Variants in DNAH3 observed in about 807,000 individuals in gnomAD.
DNAH3 encodes the protein dynein axonemal heavy chain 3, also known as axonemal beta dynein heavy chain 3.
In DNAH3, 332 loss-of-function variants were observed where a neutral mutation model predicts 432.5. The ratio of observed to expected loss-of-function variants is 0.77; its 90% confidence interval spans 0.70 to 0.84. The LOEUF is 0.84. DNAH3 is among the 40% of genes least tolerant of loss of function. DNAH3 has a pLI of 0.00. For synonymous variants in DNAH3, 1,956 were observed against 1,900.2 expected (o/e 1.03, Z -0.76); for missense variants, 4,861 against 5,114.0 (o/e 0.95, Z 1.51).
In DNAH3 at chr16:20,942,022, G is replaced by A. The variant is rs145588899; in HGVS notation, c.11512-479C>T. 4.5e-3 allele frequency among the ~76,000 whole-genome samples: 684 copies of A among 151,556 alleles called. 8 individuals carry two copies. Among genetic ancestry groups the A allele is most frequent in the East Asian group, 0.036 (184 of 5,126 alleles). Reference sequence around the variant, plus strand: ...GGATGTTGCAGTGAGCTGAGATCTGGCCGCTGCACTCCAGCCTGGGTGACA... The same window carrying A: ...GGATGTTGCAGTGAGCTGAGATCTGACCGCTGCACTCCAGCCTGGGTGACA... On this transcript the variant is annotated intron_variant, in intron 58 of 61. Coordinates refer to ENST00000261383, the Ensembl canonical transcript of DNAH3.
intron 6 of DNAH3, 23 bp from the exon 8 acceptor site, chr16:21,134,477 C>T: frequency 6.2e-7 from 1 of 1,605,548 alleles, no homozygotes; most frequent in Non-Finnish European, 8.5e-7. Context: ...AGGGCGAACA[C>T]CTCATTATTA....
intron 10 of DNAH3, chr16:21,120,877 A>G (rs892577900): frequency 7.1e-6 from 11 of 1,558,838 alleles, no homozygotes; most frequent in East Asian, 4.5e-5. Flanking sequence ...ATAGTCATCC[A>G]AATTACAGGG....
chr16:20,999,643 T>G (rs1338515373), intron 43 of DNAH3, among the ~76,000 whole-genome samples: 1 of 152,154 alleles, frequency 6.6e-6, no homozygotes, highest in Non-Finnish European at 1.5e-5. Context: ...AACAGGAAAT[T>G]TAACCTTCTG....
At chr16:20,985,086 A>T in exon 48 of DNAH3, 2 of 1,611,764 alleles carry the variant, frequency 1.2e-6, no homozygotes, top group Non-Finnish European at 1.7e-6. Context: ...CCCTCTCAAT[A>T]AAGAAGTTAT....
chr16:21,089,285 C>A (rs2091465551), intron 18 of DNAH3, among the ~76,000 whole-genome samples: 1 of 152,182 alleles, frequency 6.6e-6, no homozygotes, highest in Admixed American at 6.5e-5. Context: ...AATCCCATTG[C>A]AGAACTTGCT....
chr16:21,101,061 T>C (rs150470061), intron 16 of DNAH3, among the ~76,000 whole-genome samples: 150 of 152,298 alleles, frequency 9.8e-4, no homozygotes, highest in Admixed American at 1.2e-3. Context: ...TATAAACCTA[T>C]TGCAATTTGA....
chr16:21,017,115 A>C (rs2087899689), intron 41 of DNAH3, among the ~76,000 whole-genome samples: 1 of 152,192 alleles, frequency 6.6e-6, no homozygotes, highest in Non-Finnish European at 1.5e-5. Flanking sequence ...AATGTACTTA[A>C]CACCACTGAT....
intron 20 of DNAH3, among the ~76,000 whole-genome samples, chr16:21,075,914 CAAAA>C (rs34186982): frequency 1.1e-4 from 6 of 52,684 alleles, no homozygotes; most frequent in Admixed American, 8.2e-4. Flanking sequence ...AACCCTGTCT[CAAAA>C]AAAAAAAAAA....
intron 39 of DNAH3, among the ~76,000 whole-genome samples, chr16:21,023,199 G>T (rs1406033300): frequency 6.6e-6 from 1 of 152,002 alleles, no homozygotes; most frequent in Non-Finnish European, 1.5e-5. Context: ...AAAAATACAG[G>T]TATACATGGA....
At chr16:21,115,490 T>A (rs1369396290) in intron 12 of DNAH3, among the ~76,000 whole-genome samples, 2 of 151,166 alleles carry the variant, frequency 1.3e-5, no homozygotes, top group African/African-American at 4.9e-5. Flanking sequence ...GTGGATCACC[T>A]AAGGTCAGGA....
At chr16:21,146,573 C>T (rs768220342) in intron 1 of DNAH3, among the ~76,000 whole-genome samples, 39 of 152,054 alleles carry the variant, frequency 2.6e-4, no homozygotes, top group Admixed American at 6.6e-4. Flanking sequence ...TTATCATATG[C>T]GTTACCTTGC....
intron 15 of DNAH3, 134 bp downstream of exon 15, chr16:21,106,356 A>AT: frequency 1.3e-6 from 1 of 767,160 alleles, no homozygotes; most frequent in Non-Finnish European, 1.8e-6. Flanking sequence ...TAGAATTCAT[A>AT]TAACTATCCT....
At chr16:21,017,071 A>G (rs1347321338) in intron 41 of DNAH3, among the ~76,000 whole-genome samples, 1 of 152,122 alleles carries the variant, frequency 6.6e-6, no homozygotes, top group African/African-American at 2.4e-5. Flanking sequence ...AACGTCCTGG[A>G]GATGGAGGGA....
At chr16:20,998,780 G>T (rs1317580223) in intron 43 of DNAH3, among the ~76,000 whole-genome samples, 4 of 146,186 alleles carry the variant, frequency 2.7e-5, no homozygotes, top group African/African-American at 7.5e-5. Flanking sequence ...GGCTCCTTTA[G>T]TTTTTCTTCA....
At chr16:20,949,368 CAA>C (rs71149201) in intron 56 of DNAH3, among the ~76,000 whole-genome samples, 1 of 143,524 alleles carries the variant, frequency 7.0e-6, no homozygotes, top group African/African-American at 2.6e-5. Context: ...AAAACAGAAA[CAA>C]AAAAAAAGAC....
chr16:20,947,932 C>T (rs2152573159), intron 57 of DNAH3, among the ~76,000 whole-genome samples: 1 of 152,214 alleles, frequency 6.6e-6, no homozygotes, highest in Middle Eastern at 3.4e-3. Flanking sequence ...GGCGCCACCA[C>T]ACCTGGTTAA....
At chr16:21,004,891 G>A (rs1456229553) in intron 41 of DNAH3, among the ~76,000 whole-genome samples, 1 of 152,014 alleles carries the variant, frequency 6.6e-6, no homozygotes, top group Non-Finnish European at 1.5e-5. Context: ...CTTCCTTCCA[G>A]CTCCCCTTCT....
At chr16:21,151,161 G>T (rs889060330) in intron 1 of DNAH3, among the ~76,000 whole-genome samples, 1 of 152,126 alleles carries the variant, frequency 6.6e-6, no homozygotes, top group African/African-American at 2.4e-5. Context: ...TGTGTGGCTT[G>T]GCAAGTTGTT....
chr16:21,042,755 T>C (rs2089504748), intron 31 of DNAH3, among the ~76,000 whole-genome samples: 1 of 152,206 alleles, frequency 6.6e-6, no homozygotes, highest in Non-Finnish European at 1.5e-5. Flanking sequence ...TGTGCCATGC[T>C]GGTGCGCTGC....
Sources: gnomAD v4.1 joint callset for allele counts (sites outside exome capture counted in the v4.1 genomes callset) on GRCh38, gnomAD v4.1.1 for gene constraint, MANE v1.5 for transcripts, NCBI Gene and HGNC (gene_info 2026-07-23, HGNC 2026-07-21) for gene names.